Variants in RASA3 observed in about 807,000 individuals in gnomAD.
The protein encoded by RASA3 is RAS p21 protein activator 3.
In RASA3, 73 loss-of-function variants were observed where a neutral mutation model predicts 110.0. The ratio of observed to expected loss-of-function variants is 0.66; its 90% confidence interval spans 0.55 to 0.81. RASA3 has a LOEUF of 0.81. Among genes scored for constraint, RASA3 ranks in the 30% least tolerant of loss-of-function variants. RASA3 has a pLI of 0.00. For synonymous variants in RASA3, 500 were observed against 451.4 expected (o/e 1.11, Z -1.37); for missense variants, 976 against 1,113.2 (o/e 0.88, Z 1.75).
intron 17 of RASA3, among the ~76,000 whole-genome samples, chr13:114,007,998 G>A (rs1189158902): frequency 8.6e-6 from 1 of 115,726 alleles, no homozygotes; most frequent in East Asian, 2.9e-4. Context: ...TGACTGTGGG[G>A]AGGAGCAGAG....
chr13:114,016,278 A>C lies in RASA3; in HGVS notation c.1207-7T>G, dbSNP rs2053789929. The stretch of plus-strand genomic sequence containing the variant: ...GTTTGTGGCTCTGGCATATCTGGGG[A>C]GAGGTTTAAGACAGGGCTCTGTGAG... On this transcript the variant is annotated splice_polypyrimidine_tract_variant and splice_region_variant and intron_variant, in intron 12 of 23. Coordinates refer to ENST00000334062, the MANE Select transcript of RASA3 (RefSeq NM_007368.4). The C allele has an allele frequency of 6.4e-7, 1 of 1,573,204 alleles. No homozygotes were observed. Among genetic ancestry groups the C allele is most frequent in the African/African-American group, 1.4e-5 (1 of 74,050 alleles).
At position 114,002,875 on chromosome 13, in the gene RASA3, G is replaced by A. The variant is rs1232756154; in HGVS notation, c.1743-1943C>T. Among the ~76,000 whole-genome samples, 4 of 152,310 alleles carry A rather than the reference G, an allele frequency of 2.6e-5. No homozygotes were observed. The East Asian group carries it at 5.8e-4, about 22-fold the overall frequency. ...CAGGCTGAAAGCAGCTCGGCCCCGCGCAGCCACGGCCAACTCAACTCAGCA... is the reference window on the plus strand; with the variant it reads ...CAGGCTGAAAGCAGCTCGGCCCCGCACAGCCACGGCCAACTCAACTCAGCA... On this transcript the variant is annotated intron_variant, in intron 18 of 23. Coordinates refer to ENST00000334062, the MANE Select transcript of RASA3 (RefSeq NM_007368.4).
At position 113,981,829 on chromosome 13, in the gene RASA3, C is replaced by T. The variant is rs1183874832; in HGVS notation, c.2275G>A (p.Gly759Ser). 1.2e-6 allele frequency: 2 copies of T among 1,613,898 alleles called. No homozygotes were observed. Among genetic ancestry groups the T allele is most frequent in the Non-Finnish European group, 1.7e-6 (2 of 1,179,958 alleles). ...EACGSKSVYD[G>S]PEQEEYSTFV... ...GTCGAATACTCCTCCTGCTCCGGGC[C>T]GTCATACACAGATTTGCTCCCACAG... The change falls in exon 23 of 24, where the codon GGC becomes AGC. Residue 759 changes from glycine (G) to serine (S), a missense_variant. Coordinates refer to ENST00000334062, the MANE Select transcript of RASA3 (RefSeq NM_007368.4).
intron 4 of RASA3, among the ~76,000 whole-genome samples, chr13:114,038,956 G>C (rs924501374): frequency 6.6e-6 from 1 of 152,210 alleles, no homozygotes; most frequent in African/African-American, 2.4e-5. Flanking sequence ...CCAGCCTCCA[G>C]GTGTAAAAAT....
chr13:114,051,197 G>A (rs1050956711), intron 3 of RASA3, among the ~76,000 whole-genome samples: 86 of 152,280 alleles, frequency 5.6e-4, no homozygotes, highest in African/African-American at 1.9e-3. Context: ...TCAGCATCCC[G>A]GCAGCCATGA....
chr13:114,015,409 AG>A lies in RASA3; in HGVS notation c.1282-78del. On this transcript the variant is annotated intron_variant, in intron 13 of 23. Transcript: ENST00000334062. ...GTGTAGCACCAGGGCACGCCCAGGG[AG>A]GGGCGCGTGGGGAGGGGCTGAGGGC... 3.8e-6 allele frequency: 6 copies of A among 1,575,858 alleles called. No homozygotes were observed. In the South Asian group the frequency reaches 6.7e-5, roughly 18 times the overall value.
At chr13:113,993,999 T>C (rs1008282856) in intron 21 of RASA3, among the ~76,000 whole-genome samples, 8 of 152,176 alleles carry the variant, frequency 5.3e-5, no homozygotes, top group Non-Finnish European at 7.3e-5. Context: ...GTGCAGAACG[T>C]GTGAAATATG....
chr13:114,043,680 A>G (rs569749502), intron 3 of RASA3, among the ~76,000 whole-genome samples: 3 of 152,194 alleles, frequency 2.0e-5, no homozygotes, highest in African/African-American at 7.2e-5. Flanking sequence ...GGCACAGGAA[A>G]CAGGCCCCAG....
Position 114,011,216 on chromosome 13 carries a change from G to T in RASA3, c.1545C>A (p.Ile515=). ...DPQTSRTLTL[I]SKTVQTLGSL... Reference sequence around the variant, plus strand: ...TGCCGAGGGTCTGAACGGTCTTGGAGATCAATGTCAGCGTCCTGGACGTCT... The same window carrying T: ...TGCCGAGGGTCTGAACGGTCTTGGATATCAATGTCAGCGTCCTGGACGTCT... The change falls in exon 16 of 24, where the codon ATC becomes ATA. Residue 515 remains isoleucine (I), a synonymous_variant. Coordinates refer to ENST00000334062, the MANE Select transcript of RASA3 (RefSeq NM_007368.4). This position sits in a 1 kb window ranked among gnomAD's most constrained non-coding sequence, Gnocchi z 4.8. 1.9e-6 allele frequency: 3 copies of T among 1,613,046 alleles called. No individual in the cohort carries two copies. The highest frequency in any genetic ancestry group is 2.5e-6 in the Non-Finnish European group (3 of 1,179,740).
At chr13:114,018,622 G>A (rs2053846803) in intron 10 of RASA3, 141 bp downstream of exon 10, 11 of 1,101,062 alleles carry the variant, frequency 1.0e-5, no homozygotes, top group East Asian at 2.6e-5. Flanking sequence ...GCATCTGGAC[G>A]GGAAACAGGC....
At chr13:114,036,624 G>A (rs1484485485) in intron 4 of RASA3, among the ~76,000 whole-genome samples, 4 of 152,138 alleles carry the variant, frequency 2.6e-5, no homozygotes, top group South Asian at 2.1e-4. Flanking sequence ...AGCAACCTCC[G>A]CCTCCCGGGT....
chr13:113,979,230 C>T lies in RASA3; in HGVS notation c.*117G>A. 2.0e-6 allele frequency: 2 copies of T among 1,020,738 alleles called. No individual in the cohort carries two copies. The highest frequency in any genetic ancestry group is 3.0e-6 in the Non-Finnish European group (2 of 662,774). 63.2% of individuals were successfully genotyped at this position (1,020,738 alleles called of 1,614,324 possible). ...AACCCCAGCGCCACTTGTCTATGGGCCGGGACGGCGTGCATCTCACTTTGC... is the reference window on the plus strand; with the variant it reads ...AACCCCAGCGCCACTTGTCTATGGGTCGGGACGGCGTGCATCTCACTTTGC... On this transcript the variant is annotated 3_prime_UTR_variant, in exon 24 of 24. Coordinates refer to ENST00000334062, the MANE Select transcript of RASA3 (RefSeq NM_007368.4).
chr13:114,019,489 C>T (rs1179870161), intron 9 of RASA3, among the ~76,000 whole-genome samples: 1 of 152,212 alleles, frequency 6.6e-6, no homozygotes, highest in Non-Finnish European at 1.5e-5. Flanking sequence ...TGGGTGGAGC[C>T]TGTGTCCGAG....
chr13:114,073,206 G>GTGTA (rs1216487248), intron 2 of RASA3, among the ~76,000 whole-genome samples: 1 of 150,370 alleles, frequency 6.7e-6, no homozygotes, highest in African/African-American at 2.4e-5. Flanking sequence ...GGACGGTGAC[G>GTGTA]TACACGCTCG....
chr13:113,996,437 G>T, intron 21 of RASA3, 94 bp downstream of exon 21: 1 of 1,243,068 alleles, frequency 8.0e-7, no homozygotes, highest in Non-Finnish European at 1.1e-6. Context: ...CAGCTTACAG[G>T]CAGGCATGCA....
At chr13:114,088,904 CAAT>C (rs1466918892) in intron 1 of RASA3, among the ~76,000 whole-genome samples, 3 of 152,070 alleles carry the variant, frequency 2.0e-5, no homozygotes, top group African/African-American at 7.2e-5. Context: ...TTACTAATAA[CAAT>C]AAATAAGATT....
intron 1 of RASA3, among the ~76,000 whole-genome samples, chr13:114,074,634 C>T (rs892827246): frequency 7.9e-5 from 12 of 152,344 alleles, no homozygotes; most frequent in Admixed American, 7.2e-4. Flanking sequence ...TCCAGCTGTT[C>T]GAATTGCCAG....
intron 2 of RASA3, among the ~76,000 whole-genome samples, chr13:114,069,095 G>A (rs1348718752): frequency 6.6e-6 from 1 of 152,174 alleles, no homozygotes; most frequent in Non-Finnish European, 1.5e-5. Flanking sequence ...ACACAGGCCT[G>A]AGGTGGAGCT....
chr13:114,048,240 G>A lies in RASA3; in HGVS notation c.277+3812C>T, dbSNP rs1272445194. Among the ~76,000 whole-genome samples, 2 of 151,942 alleles carry A rather than the reference G, an allele frequency of 1.3e-5. No homozygotes were observed. Among genetic ancestry groups the A allele is most frequent in the African/African-American group, 4.8e-5 (2 of 41,366 alleles). ...TGAGGCAGGAGAATGGCGTGAACCC[G>A]GGAGGTGGAGGTTGCAGTGAGCCGA... is the stretch of plus-strand genomic sequence containing the variant. On this transcript the variant is annotated intron_variant, in intron 3 of 23. Transcript: ENST00000334062. The surrounding 1 kb of genome is among the most constrained non-coding windows in gnomAD (Gnocchi z 4.3).
Sources: gnomAD v4.1 joint callset for allele counts (sites outside exome capture counted in the v4.1 genomes callset) on GRCh38, gnomAD v4.1.1 for gene constraint, Gnocchi (gnomAD v3.1) non-coding constraint, MANE v1.5 for transcripts, NCBI Gene and HGNC (gene_info 2026-07-23, HGNC 2026-07-21) for gene names.